DLG2: variants seen among roughly 807,000 people sequenced by gnomAD.
DLG2 encodes the protein discs large MAGUK scaffold protein 2.
Under a neutral mutation model 132.5 loss-of-function variants are expected in DLG2, and 45 were observed. That is an observed-to-expected ratio of 0.34 (90% confidence interval 0.27 to 0.44). DLG2 has a LOEUF of 0.44. Ranked by LOEUF, DLG2 falls within the 20% of genes least tolerant of loss-of-function variation. The pLI is 1.00. For synonymous variants in DLG2, 424 were observed against 419.6 expected (o/e 1.01, Z -0.13); for missense variants, 1,045 against 1,196.9 (o/e 0.87, Z 1.87).
chr11:83,898,210 T>C (rs1033957908), intron 15 of DLG2, among the ~76,000 whole-genome samples: 1 of 152,168 alleles, frequency 6.6e-6, no homozygotes, highest in African/African-American at 2.4e-5. Flanking sequence ...CATAAATATA[T>C]ATTTATAAAC....
At chr11:83,995,185 C>A (rs1237168442) in intron 11 of DLG2, among the ~76,000 whole-genome samples, 3 of 152,030 alleles carry the variant, frequency 2.0e-5, no homozygotes, top group Non-Finnish European at 4.4e-5. Context: ...GAACAGAATG[C>A]AGTTCCTATT....
chr11:83,711,119 GCATT>G (rs1325327258), intron 18 of DLG2, among the ~76,000 whole-genome samples: 2 of 152,130 alleles, frequency 1.3e-5, no homozygotes, highest in African/African-American at 4.8e-5. Context: ...ATTGAACTGT[GCATT>G]CAAAGAATGC....
chr11:84,646,610 A>C (rs1001437515), intron 6 of DLG2, among the ~76,000 whole-genome samples: 3 of 152,116 alleles, frequency 2.0e-5, no homozygotes, highest in African/African-American at 7.2e-5. Context: ...ATAATGTAAA[A>C]AGAAAAAAAA....
At chr11:85,383,084 T>C (rs760401609) in intron 3 of DLG2, among the ~76,000 whole-genome samples, 17 of 152,134 alleles carry the variant, frequency 1.1e-4, no homozygotes, top group Non-Finnish European at 2.2e-4. Flanking sequence ...AACCAAACTT[T>C]CATCAGCTGA....
intron 19 of DLG2, among the ~76,000 whole-genome samples, chr11:83,627,917 G>A (rs2062879613): frequency 6.6e-6 from 1 of 152,196 alleles, no homozygotes; most frequent in Admixed American, 6.5e-5. Flanking sequence ...TAACTGGTAT[G>A]AGATGGTATC....
At chr11:83,692,154 T>C (rs2081109616) in intron 18 of DLG2, 2 of 152,240 alleles carry the variant, frequency 1.3e-5, no homozygotes, top group African/African-American at 4.8e-5. Context: ...GAGCCTGTTA[T>C]AAAGAAGTCA....
chr11:83,710,982 T>C (rs932860282), intron 18 of DLG2, among the ~76,000 whole-genome samples: 6 of 152,202 alleles, frequency 3.9e-5, no homozygotes, highest in African/African-American at 9.7e-5. Flanking sequence ...ACATGGACTG[T>C]CTCATTTATT....
intron 6 of DLG2, among the ~76,000 whole-genome samples, chr11:85,030,679 C>T (rs141560007): frequency 6.6e-6 from 1 of 152,166 alleles, no homozygotes; most frequent in Non-Finnish European, 1.5e-5. Context: ...AATGTTTTAT[C>T]TTTATAATCC....
intron 4 of DLG2, among the ~76,000 whole-genome samples, chr11:85,211,469 T>C (rs543930417): frequency 1.1e-4 from 16 of 152,284 alleles, no homozygotes; most frequent in African/African-American, 3.8e-4. Context: ...TAAGTTCCCT[T>C]GTCTCAGCCA....
At chr11:84,794,911 C>T (rs2074358971) in intron 6 of DLG2, among the ~76,000 whole-genome samples, 1 of 152,212 alleles carries the variant, frequency 6.6e-6, no homozygotes, top group African/African-American at 2.4e-5. Flanking sequence ...CATGAACAGC[C>T]TGTGTGCCGT....
At chr11:83,620,730 C>T (rs138162949) in intron 19 of DLG2, among the ~76,000 whole-genome samples, 1 of 150,796 alleles carries the variant, frequency 6.6e-6, no homozygotes, top group Non-Finnish European at 1.5e-5. Flanking sequence ...ATTAGCCGGG[C>T]GTAGTGGCGG....
intron 3 of DLG2, among the ~76,000 whole-genome samples, chr11:85,593,787 G>C (rs1224300356): frequency 6.6e-6 from 1 of 151,950 alleles, no homozygotes; most frequent in Non-Finnish European, 1.5e-5. Flanking sequence ...ATTACTATTA[G>C]GAAAATATGT....
At chr11:85,262,315 T>G (rs1293547045) in intron 4 of DLG2, among the ~76,000 whole-genome samples, 2 of 152,230 alleles carry the variant, frequency 1.3e-5, no homozygotes, top group Non-Finnish European at 1.5e-5. Context: ...ATAGAGCCAG[T>G]GCCCTTATAC....
intron 6 of DLG2, among the ~76,000 whole-genome samples, chr11:85,047,791 T>G (rs1226270766): frequency 6.6e-6 from 1 of 151,978 alleles, no homozygotes; most frequent in African/African-American, 2.4e-5. Context: ...CTCATGGTAG[T>G]GCTCACATTT....
At chr11:85,055,400 G>A (rs1012586588) in intron 6 of DLG2, among the ~76,000 whole-genome samples, 20 of 152,252 alleles carry the variant, frequency 1.3e-4, no homozygotes, top group African/African-American at 4.8e-4. Flanking sequence ...GGACTTATGG[G>A]TCCAAGATCC....
chr11:85,526,361 A>G (rs2074743421), intron 3 of DLG2, among the ~76,000 whole-genome samples: 1 of 151,874 alleles, frequency 6.6e-6, no homozygotes, highest in Non-Finnish European at 1.5e-5. Context: ...TCTCATCAGA[A>G]AAATGCAAGC....
intron 6 of DLG2, among the ~76,000 whole-genome samples, chr11:84,956,262 T>C (rs1463974220): frequency 6.6e-6 from 1 of 152,308 alleles, no homozygotes; most frequent in East Asian, 1.9e-4. Flanking sequence ...GGAATGTTTG[T>C]ATGAAAGCTC....
chr11:83,717,930 G>C (rs777672580), intron 18 of DLG2, among the ~76,000 whole-genome samples: 1 of 152,282 alleles, frequency 6.6e-6, no homozygotes, highest in East Asian at 1.9e-4. Flanking sequence ...ACTTACAAAC[G>C]ATGATACTCT....
chr11:84,353,566 A>G (rs2098594437), intron 7 of DLG2, among the ~76,000 whole-genome samples: 2 of 152,176 alleles, frequency 1.3e-5, no homozygotes, highest in South Asian at 4.1e-4. Flanking sequence ...ATGGCTTTTT[A>G]ACTATTGTCT....
Sources: allele counts gnomAD v4.1 joint callset (sites outside exome capture counted in the v4.1 genomes callset), GRCh38; gene constraint gnomAD v4.1.1; transcripts MANE v1.5; gene names NCBI Gene and HGNC (gene_info 2026-07-23, HGNC 2026-07-21).